The following RNLS variants were observed in gnomAD, a reference collection of about 807,000 sequenced individuals.
RNLS encodes the protein renalase.
Under a neutral mutation model 39.8 loss-of-function variants are expected in RNLS, and 39 were observed. The ratio of observed to expected loss-of-function variants is 0.98; its 90% CI spans 0.76 to 1.28. The LOEUF (loss-of-function observed/expected upper bound fraction) is 1.28, where lower values mean the gene tolerates loss of function less well. Among genes scored for constraint, RNLS ranks in the 50% most tolerant of loss-of-function variants. The pLI, the probability that RNLS is intolerant of heterozygous loss-of-function variation, is 0.00. For synonymous variants in RNLS, 147 were observed against 150.7 expected (o/e 0.98, Z 0.18); for missense variants, 410 against 413.3 (o/e 0.99, Z 0.07).
the RNLS span, among the ~76,000 whole-genome samples, chr10:88,175,350 G>T: frequency 6.6e-6 from 1 of 152,022 alleles, no homozygotes; most frequent in Admixed American, 6.5e-5. Context: ...TTGTTTATTT[G>T]AAATCTCTAC....
At chr10:88,512,636 T>G (rs560561183) in intron 4 of RNLS, among the ~76,000 whole-genome samples, 2 of 152,298 alleles carry the variant, frequency 1.3e-5, no homozygotes, top group South Asian at 4.1e-4. Flanking sequence ...CATAATGTAG[T>G]GTCTAAGTTT....
chr10:88,238,681 G>A, the RNLS span, among the ~76,000 whole-genome samples: 1 of 152,250 alleles, frequency 6.6e-6, no homozygotes, highest in East Asian at 1.9e-4. Flanking sequence ...TCATTAGGAA[G>A]GACAGACGAT....
chr10:88,319,665 AC>A lies in RNLS; in HGVS notation c.701-5025del, dbSNP rs576060055. 2.2e-3 allele frequency among the ~76,000 whole-genome samples: 334 copies of A among 152,186 alleles called. 3 individuals carry two copies. The highest frequency in any genetic ancestry group is 6.7e-3 in the African/African-American group (278 of 41,542). On this transcript the variant is annotated intron_variant, in intron 5 of 6. Transcript: ENST00000331772. ...AATACAGTTGGAAGCTTTAACAATA[AC>A]CTAGACAAGCAGAAGAAAGAATTTC... is the stretch of plus-strand genomic sequence containing the variant.
the RNLS span, among the ~76,000 whole-genome samples, chr10:88,253,829 C>G: frequency 6.6e-6 from 1 of 152,158 alleles, no homozygotes; most frequent in Non-Finnish European, 1.5e-5. Flanking sequence ...GTTTGTCCCC[C>G]TGGGGCGTGG....
chr10:88,315,737 G>A (rs1458129948), intron 5 of RNLS, among the ~76,000 whole-genome samples: 2 of 97,622 alleles, frequency 2.0e-5, no homozygotes, highest in Non-Finnish European at 4.7e-5. Context: ...TTACATTTCA[G>A]GTTTTTTTTT....
In RNLS at chr10:88,330,123, TAC is replaced by T. The variant is rs575605630; in HGVS notation, c.701-15484_701-15483del. Among the ~76,000 whole-genome samples the T allele has an allele frequency of 2.2e-4, 32 of 147,384 alleles. No homozygotes were observed. The South Asian group carries it at 2.3e-3, about 11-fold the overall frequency. On this transcript the variant is annotated intron_variant, in intron 5 of 6. Coordinates refer to ENST00000331772, the MANE Select transcript of RNLS (RefSeq NM_001031709.3). ...AATATATATACACACACTATATATA[TAC>T]ACACACACACAATTTTATATTATCT...
At chr10:88,200,679 G>A in the RNLS span, among the ~76,000 whole-genome samples, 258 of 152,268 alleles carry the variant, frequency 1.7e-3, 1 homozygote, top group African/African-American at 5.1e-3. Context: ...TCTGCAGAGA[G>A]CTCAAATACT....
intron 6 of RNLS, among the ~76,000 whole-genome samples, chr10:88,303,157 A>G (rs1844654644): frequency 6.6e-6 from 1 of 152,248 alleles, no homozygotes; most frequent in Non-Finnish European, 1.5e-5. Flanking sequence ...GCAGGAGAAG[A>G]TTCCTTAATC....
In RNLS at chr10:88,405,127, G is replaced by A. The variant is rs116678429; in HGVS notation, c.527-42402C>T. Among the ~76,000 whole-genome samples, 445 of 152,130 alleles carry A rather than the reference G, an allele frequency of 2.9e-3. 4 individuals carry two copies. The highest frequency in any genetic ancestry group is 0.01 in the African/African-American group (421 of 41,514). ...CGAATACTGCCTTGAGATGATTTTA[G>A]TGTAGCCTTCTTGAAGTTGTGAGGA... On this transcript the variant is annotated intron_variant, in intron 4 of 6. Coordinates refer to ENST00000331772, the MANE Select transcript of RNLS (RefSeq NM_001031709.3).
chr10:88,263,806 GTCTTCT>G, the RNLS span, among the ~76,000 whole-genome samples: 17 of 152,060 alleles, frequency 1.1e-4, no homozygotes, highest in South Asian at 4.2e-4. Context: ...TAATGGCAAT[GTCTTCT>G]TCTTCTTCTT....
At chr10:88,205,053 C>T in the RNLS span, among the ~76,000 whole-genome samples, 1 of 152,248 alleles carries the variant, frequency 6.6e-6, no homozygotes, top group African/African-American at 2.4e-5. Context: ...CAGTTGAATT[C>T]TCACGGCAAC....
At chr10:88,549,780 T>C (rs1199840616) in intron 4 of RNLS, among the ~76,000 whole-genome samples, 1 of 152,242 alleles carries the variant, frequency 6.6e-6, no homozygotes, top group African/African-American at 2.4e-5. Flanking sequence ...CTCTGAGTTA[T>C]AGTTAAGGAG....
intron 4 of RNLS, among the ~76,000 whole-genome samples, chr10:88,383,059 T>C (rs988072393): frequency 2.0e-5 from 3 of 152,134 alleles, no homozygotes; most frequent in Admixed American, 2.0e-4. Flanking sequence ...GTGGAACATC[T>C]TTAAATCTAT....
intron 5 of RNLS, among the ~76,000 whole-genome samples, chr10:88,318,337 A>G (rs1176262502): frequency 2.0e-5 from 3 of 152,222 alleles, no homozygotes; most frequent in Non-Finnish European, 4.4e-5. Context: ...AAGGAAATGA[A>G]GGAAGTGGCA....
intron 5 of RNLS, among the ~76,000 whole-genome samples, chr10:88,331,445 C>A (rs1847101474): frequency 6.6e-6 from 1 of 152,260 alleles, no homozygotes; most frequent in East Asian, 1.9e-4. Flanking sequence ...AAATGAGCAT[C>A]CTGGTGTCTG....
intron 4 of RNLS, among the ~76,000 whole-genome samples, chr10:88,390,518 A>T (rs1852132293): frequency 6.6e-6 from 1 of 152,188 alleles, no homozygotes; most frequent in African/African-American, 2.4e-5. Context: ...GGGGCAGAGG[A>T]GTAGTGAGCA....
At chr10:88,310,186 C>T (rs1195938059) in intron 6 of RNLS, among the ~76,000 whole-genome samples, 2 of 152,128 alleles carry the variant, frequency 1.3e-5, no homozygotes, top group African/African-American at 4.8e-5. Context: ...GCACTCCAGC[C>T]TGGGTGATAA....
chr10:88,448,606 T>C (rs532318278), intron 4 of RNLS, among the ~76,000 whole-genome samples: 1 of 152,340 alleles, frequency 6.6e-6, no homozygotes, highest in South Asian at 2.1e-4. Context: ...TTCTTACAGA[T>C]CTAGAACTAG....
In RNLS at chr10:88,372,854, A is replaced by G. The variant is rs771441397; in HGVS notation, c.527-10129T>C. On this transcript the variant is annotated intron_variant, in intron 4 of 6. Transcript: ENST00000331772. ...AACACATACACTAAGTCTGCAAACC[A>G]CAATAATATGGTTGGAAAATGCTTT... Among the ~76,000 whole-genome samples the G allele has an allele frequency of 5.3e-4, 80 of 152,170 alleles. 1 individual carries two copies. The highest frequency in any genetic ancestry group is 5.9e-5 in the Non-Finnish European group (4 of 68,020).
Sources: gnomAD v4.1 joint callset for allele counts (sites outside exome capture counted in the v4.1 genomes callset) on GRCh38, gnomAD v4.1.1 for gene constraint, MANE v1.5 for transcripts, NCBI Gene and HGNC (gene_info 2026-07-23, HGNC 2026-07-21) for gene names.